The following NOS1AP variants were observed in gnomAD, a reference collection of about 807,000 sequenced individuals.
NOS1AP encodes carboxyl-terminal PDZ ligand of neuronal nitric oxide synthase protein.
Under a neutral mutation model 56.2 loss-of-function variants are expected in NOS1AP, and 21 were observed. The ratio of observed to expected loss-of-function variants is 0.37; its 90% CI spans 0.26 to 0.54. NOS1AP has a LOEUF of 0.54. Among genes scored for constraint, NOS1AP ranks in the 20% least tolerant of loss-of-function variants. NOS1AP has a pLI of 0.84. For missense variants in NOS1AP, 522 were observed against 657.8 expected, an observed-to-expected ratio of 0.79 and a Z score of 2.26; for synonymous variants, 270 against 274.6, an observed-to-expected ratio of 0.98 and a Z score of 0.17.
chr1:162,240,244 A>AGTGTGTGTGTGTGTGTGTGTGTGTGT (rs5778260), intron 2 of NOS1AP, among the ~76,000 whole-genome samples: 2 of 141,298 alleles, frequency 1.4e-5, no homozygotes, highest in African/African-American at 5.4e-5. Flanking sequence ...CTGTGTGGCC[A>AGTGTGTGTGTGTGTGTGTGTGTGTGT]GTGTGTGTGT....
chr1:162,246,218 A>C (rs144029618), intron 2 of NOS1AP, among the ~76,000 whole-genome samples: 1 of 152,244 alleles, frequency 6.6e-6, no homozygotes, highest in Non-Finnish European at 1.5e-5. Flanking sequence ...CTTTTTTTTA[A>C]ATCTCCTAGT....
intron 6 of NOS1AP, among the ~76,000 whole-genome samples, chr1:162,346,532 T>C (rs1439935435): frequency 6.6e-6 from 1 of 152,222 alleles, no homozygotes; most frequent in African/African-American, 2.4e-5. Flanking sequence ...TAGGTATATA[T>C]GTATACACAT....
intron 6 of NOS1AP, among the ~76,000 whole-genome samples, chr1:162,344,529 T>C (rs745974834): frequency 7.2e-5 from 11 of 151,988 alleles, no homozygotes; most frequent in Admixed American, 4.6e-4. Flanking sequence ...ATCCCTGCCA[T>C]GTTGCCTGTA....
intron 4 of NOS1AP, among the ~76,000 whole-genome samples, chr1:162,306,803 G>T (rs887859045): frequency 2.0e-5 from 3 of 152,094 alleles, no homozygotes; most frequent in Non-Finnish European, 2.9e-5. Context: ...TGAGCATGGT[G>T]GTGGGTGCCT....
intron 2 of NOS1AP, among the ~76,000 whole-genome samples, chr1:162,265,103 C>G (rs1654377630): frequency 6.6e-6 from 1 of 152,162 alleles, no homozygotes; most frequent in Admixed American, 6.5e-5. Context: ...GCATGAGCCA[C>G]TGCACCCGGT....
intron 3 of NOS1AP, among the ~76,000 whole-genome samples, chr1:162,288,522 A>G (rs115058625): frequency 0.013 from 1,921 of 152,296 alleles, 39 homozygotes; most frequent in African/African-American, 0.043. Context: ...TATCAATCCA[A>G]GGGCTTAAAT....
At chr1:162,361,040 G>C (rs187600161) in intron 8 of NOS1AP, 1 of 398,312 alleles carries the variant, frequency 2.5e-6, no homozygotes, top group South Asian at 1.9e-5. Context: ...CTGAACTTTT[G>C]TGTGTCATGA....
At chr1:162,247,916 G>T (rs866272795) in intron 2 of NOS1AP, among the ~76,000 whole-genome samples, 20 of 152,106 alleles carry the variant, frequency 1.3e-4, no homozygotes, top group African/African-American at 4.8e-4. Context: ...CACAGTAATT[G>T]GTTGGATGCC....
intron 2 of NOS1AP, 112 bp downstream of exon 2, chr1:162,154,588 C>A: frequency 1.2e-6 from 1 of 833,142 alleles, no homozygotes; most frequent in South Asian, 1.4e-5. Context: ...CTTGCAAACC[C>A]AAACTCCTCC....
intron 4 of NOS1AP, among the ~76,000 whole-genome samples, chr1:162,310,310 C>T (rs563869220): frequency 4.6e-5 from 7 of 152,318 alleles, no homozygotes; most frequent in Admixed American, 2.0e-4. Context: ...GACATCTGCA[C>T]CTTCTGTACT....
chr1:162,101,587 C>G (rs566882613), intron 1 of NOS1AP, among the ~76,000 whole-genome samples: 1 of 152,074 alleles, frequency 6.6e-6, no homozygotes, highest in African/African-American at 2.4e-5. Context: ...GAATGTTTTT[C>G]CATTTGTTTG....
chr1:162,312,932 C>T (rs561474592), intron 4 of NOS1AP, among the ~76,000 whole-genome samples: 1 of 151,430 alleles, frequency 6.6e-6, no homozygotes, highest in Non-Finnish European at 1.5e-5. Flanking sequence ...ATTCAACAAC[C>T]CTTCATGCTA....
intron 2 of NOS1AP, among the ~76,000 whole-genome samples, chr1:162,248,474 CT>C (rs1376180332): frequency 1.3e-5 from 2 of 152,146 alleles, no homozygotes; most frequent in African/African-American, 4.8e-5. Flanking sequence ...AAAAAATCAA[CT>C]CTTTAATGGC....
chr1:162,349,637 C>T (rs1043371910), intron 6 of NOS1AP, among the ~76,000 whole-genome samples: 4 of 152,214 alleles, frequency 2.6e-5, no homozygotes, highest in Non-Finnish European at 5.9e-5. Flanking sequence ...ATATAATATG[C>T]TCTCCGTAAG....
chr1:162,102,300 C>T (rs1374863142), intron 1 of NOS1AP, among the ~76,000 whole-genome samples: 2 of 152,184 alleles, frequency 1.3e-5, no homozygotes, highest in African/African-American at 4.8e-5. Context: ...AGGAAGCCAG[C>T]TTGATCGTGG....
At chr1:162,177,035 T>C (rs1486014192) in intron 2 of NOS1AP, among the ~76,000 whole-genome samples, 1 of 152,222 alleles carries the variant, frequency 6.6e-6, no homozygotes, top group Admixed American at 6.5e-5. Context: ...CAATTCTACC[T>C]GGACAATGTC....
chr1:162,367,119 C>G lies in NOS1AP; in HGVS notation c.1173C>G (p.Pro391=). 1 of 1,613,934 alleles carries G rather than the reference C, an allele frequency of 6.2e-7. No individual in the cohort carries two copies. Among genetic ancestry groups the G allele is most frequent in the Non-Finnish European group, 8.5e-7 (1 of 1,180,008 alleles). The change falls in exon 10 of 10, where the codon CCC becomes CCG. Residue 391 remains proline (P), a synonymous_variant. Transcript: ENST00000361897. This position sits in a 1 kb window ranked among gnomAD's most constrained non-coding sequence, Gnocchi z 6.5. The part of the protein sequence containing the change: ...RSGALPVLCD[P]TTPKPEDLHS... The stretch of plus-strand genomic sequence containing the variant: ...GAGCCCTGCCCGTGCTCTGTGACCC[C>G]ACGACCCCTAAGCCAGAGGACCTGC...
intron 1 of NOS1AP, among the ~76,000 whole-genome samples, chr1:162,131,334 A>C (rs1421856816): frequency 6.6e-6 from 1 of 151,368 alleles, no homozygotes; most frequent in African/African-American, 2.4e-5. Flanking sequence ...TGGCCCACAT[A>C]CCTCAACAGC....
chr1:162,185,398 A>G (rs1215876923), intron 2 of NOS1AP, among the ~76,000 whole-genome samples: 1 of 152,240 alleles, frequency 6.6e-6, no homozygotes, highest in African/African-American at 2.4e-5. Flanking sequence ...CTGTGGTAAC[A>G]TAATTCCGCC....
Sources: allele counts gnomAD v4.1 joint callset (sites outside exome capture counted in the v4.1 genomes callset), GRCh38; gene constraint gnomAD v4.1.1; non-coding constraint Gnocchi (gnomAD v3.1); transcripts MANE v1.5; gene names NCBI Gene and HGNC (gene_info 2026-07-23, HGNC 2026-07-21).